SLC43A1: variants seen among roughly 807,000 people sequenced by gnomAD.
The protein encoded by SLC43A1 is solute carrier family 43 member 1.
Under a neutral mutation model 59.5 loss-of-function variants are expected in SLC43A1, and 31 were observed. The ratio of observed to expected loss-of-function variants is 0.52; its 90% CI spans 0.39 to 0.70. SLC43A1 has a LOEUF of 0.70. Among genes scored for constraint, SLC43A1 ranks in the 30% least tolerant of loss-of-function variants. The pLI is 0.00. For synonymous variants in SLC43A1, 259 were observed against 290.9 expected (o/e 0.89, Z 1.12); for missense variants, 598 against 717.8 (o/e 0.83, Z 1.91).
chr11:57,508,124 G>A (rs1365889511), intron 2 of SLC43A1, among the ~76,000 whole-genome samples: 4 of 152,198 alleles, frequency 2.6e-5, no homozygotes, highest in East Asian at 1.9e-4. Context: ...CAAATTAGCC[G>A]GGCATGGTGG....
At chr11:57,496,464 C>T (rs1179461013) in intron 6 of SLC43A1, among the ~76,000 whole-genome samples, 6 of 152,188 alleles carry the variant, frequency 3.9e-5, no homozygotes, top group African/African-American at 1.4e-4. Context: ...AAAATACATA[C>T]ATTTTTGCCT....
At position 57,514,840 on chromosome 11, in the gene SLC43A1, C is replaced by T. The variant is rs1292283480; in HGVS notation, c.-14+604G>A. The T allele has an allele frequency of 1.0e-6, 1 of 985,430 alleles. No homozygotes were observed. The highest frequency in any genetic ancestry group is 1.2e-6 in the Non-Finnish European group (1 of 830,084). The allele number at this position is 985,430 out of a possible 1,614,324, so 61.0% of individuals were successfully genotyped here. On this transcript the variant is annotated intron_variant, in intron 1 of 14. Transcript: ENST00000278426. The surrounding 1 kb of genome is among the most constrained non-coding windows in gnomAD (Gnocchi z 5.5). ...GGAACCCGCTTGCCCCCCTCCAGCC[C>T]CGGGAGGGGGCTCGGACTTCGGCAG...
intron 6 of SLC43A1, among the ~76,000 whole-genome samples, 190 bp downstream of exon 6, chr11:57,497,563 A>C (rs1330918952): frequency 2.0e-5 from 3 of 152,246 alleles, no homozygotes; most frequent in African/African-American, 7.2e-5. Flanking sequence ...AGAGAAAAAG[A>C]ATCAGAGGCA....
At chr11:57,494,709 G>A (rs1177220806) in intron 7 of SLC43A1, among the ~76,000 whole-genome samples, 1 of 152,174 alleles carries the variant, frequency 6.6e-6, no homozygotes, top group Non-Finnish European at 1.5e-5. Context: ...TGGCATTCAG[G>A]TGGCTCCACA....
chr11:57,492,116 C>T (rs1194612965), intron 8 of SLC43A1, among the ~76,000 whole-genome samples: 1 of 151,770 alleles, frequency 6.6e-6, no homozygotes, highest in African/African-American at 2.4e-5. Flanking sequence ...CGCCTGTAAT[C>T]CCAACACTTT....
intron 6 of SLC43A1, among the ~76,000 whole-genome samples, chr11:57,496,732 C>T (rs911820719): frequency 6.6e-6 from 1 of 152,200 alleles, no homozygotes; most frequent in Admixed American, 6.5e-5. Flanking sequence ...GGGCTCTCAA[C>T]CCCAGGGCAG....
rs1239162539 is a variant in SLC43A1, at chr11:57,515,282, C to G, written c.-14+162G>C. 1 of 154,340 alleles carries G rather than the reference C, an allele frequency of 6.5e-6. No individual in the cohort carries two copies. Among genetic ancestry groups the G allele is most frequent in the East Asian group, 1.9e-4 (1 of 5,180 alleles). The allele number at this position is 154,340 out of a possible 1,614,324, so 9.6% of individuals were successfully genotyped here. A position where few individuals can be genotyped will look rare whatever the true frequency, so the allele number is the denominator to read the frequency against. On this transcript the variant is annotated intron_variant, in intron 1 of 14. Transcript: ENST00000278426. The surrounding 1 kb of genome is among the most constrained non-coding windows in gnomAD (Gnocchi z 5.3). ...GGTCAGAGAAAAGAAAAGGGAAGGA[C>G]GCGCTTGGCGAGATGGGACACTGTG...
chr11:57,510,093 T>C lies in SLC43A1; in HGVS notation c.154+3865A>G, dbSNP rs1008969672. ...GCACAGGAAAAGATGCTCAACATCA[T>C]TGATCAGTAGGGAAACACAAATCAA... On this transcript the variant is annotated intron_variant, in intron 2 of 14. Transcript: ENST00000278426. Among the ~76,000 whole-genome samples the C allele has an allele frequency of 3.3e-5, 5 of 152,136 alleles. No homozygotes were observed. In the East Asian group the frequency reaches 5.8e-4, roughly 18 times the overall value.
rs760116022 is a variant in SLC43A1 at position 57,501,049 on chromosome 11, G to T, written c.333-6C>A. On this transcript the variant is annotated splice_region_variant and splice_polypyrimidine_tract_variant and intron_variant, in intron 3 of 14. Coordinates refer to ENST00000278426, the MANE Select transcript of SLC43A1 (RefSeq NM_003627.6). The stretch of plus-strand genomic sequence containing the variant: ...AGGACGCAGTGAAGCAGGCACTGTG[G>T]AGACACAGGGAAGGGCGAGGGGTTG... The T allele has an allele frequency of 6.2e-7, 1 of 1,604,906 alleles. No homozygotes were observed.
rs1174032551 is a variant in SLC43A1 at position 57,501,257 on chromosome 11, A to G, written c.227T>C (p.Leu76Pro). The G allele has an allele frequency of 1.9e-6, 3 of 1,612,430 alleles. No individual in the cohort carries two copies. Residue 76 changes from leucine to proline, a missense_variant, in exon 3 of 15, where the codon CTC becomes CCC. Leu to Pro is a moderately conservative substitution (Grantham distance 98). Coordinates refer to ENST00000278426, the MANE Select transcript of SLC43A1 (RefSeq NM_003627.6). ...GGAACCAATGGTGAAGCCCAGGTTGAGCATCTCGTCCTGCTGGTCACAGCC... is the reference window on the plus strand; with the variant it reads ...GGAACCAATGGTGAAGCCCAGGTTGGGCATCTCGTCCTGCTGGTCACAGCC... ...WPGCDQQDEM[L>P]NLGFTIGSFV...
rs1169030085 is a variant in SLC43A1, at chr11:57,515,104, C to T, written c.-14+340G>A. 3 of 981,812 alleles carry T rather than the reference C, an allele frequency of 3.1e-6. No homozygotes were observed. Among genetic ancestry groups the T allele is most frequent in the African/African-American group, 3.5e-5 (2 of 57,108 alleles). The allele number at this position is 981,812 out of a possible 1,614,324, so 60.8% of individuals were successfully genotyped here. On this transcript the variant is annotated intron_variant, in intron 1 of 14. Transcript: ENST00000278426. This position sits in a 1 kb window ranked among gnomAD's most constrained non-coding sequence, Gnocchi z 5.3. ...CAGAGAGAGGGGAGGAAGTACCAGT[C>T]ACTTCTTCCAGGGGGACTCGGTATT...
rs753020174 is a variant in SLC43A1, at chr11:57,491,199, C to CA, written c.1193+24dup. On this transcript the variant is annotated intron_variant, in intron 11 of 14. Coordinates refer to ENST00000278426, the MANE Select transcript of SLC43A1 (RefSeq NM_003627.6). ...AAAGCACTGCCTGACCACTTGCTGT[C>CA]ACCATCCCTGTACAGGCAGGTCACC... is the stretch of plus-strand genomic sequence containing the variant. 5 of 1,511,148 alleles carry CA rather than the reference C, an allele frequency of 3.3e-6. No homozygotes were observed. In the East Asian group the frequency reaches 1.2e-4, roughly 35 times the overall value. 93.6% of individuals were successfully genotyped at this position (1,511,148 alleles called of 1,614,324 possible).
chr11:57,497,939 A>C, intron 5 of SLC43A1, 94 bp from the exon 6 acceptor site: 1 of 832,750 alleles, frequency 1.2e-6, no homozygotes, highest in Non-Finnish European at 1.9e-6. Flanking sequence ...CAGGAGACGC[A>C]GCAGAAAAGC....
rs574867908 is a variant in SLC43A1, at chr11:57,509,722, G to GAAGA, written c.154+4235_154+4236insTCTT. On this transcript the variant is annotated intron_variant, in intron 2 of 14. Coordinates refer to ENST00000278426, the MANE Select transcript of SLC43A1 (RefSeq NM_003627.6). ...GGAGGGAGAGAGGGAGGGAGGGAAAGAAGGAAGGAAGGAAGGAAGGAAGGA... is the reference window on the plus strand; with the variant it reads ...GGAGGGAGAGAGGGAGGGAGGGAAAGAAGAAAGGAAGGAAGGAAGGAAGGAAGGA... Among the ~76,000 whole-genome samples, 79 of 101,858 alleles carry GAAGA rather than the reference G, an allele frequency of 7.8e-4. 1 individual carries two copies. In the South Asian group the frequency reaches 0.018, roughly 23 times the overall value. 66.8% of individuals were successfully genotyped at this position (101,858 alleles called of 152,430 possible).
At chr11:57,494,753 T>C (rs971326122) in intron 7 of SLC43A1, among the ~76,000 whole-genome samples, 14 of 152,164 alleles carry the variant, frequency 9.2e-5, no homozygotes, top group South Asian at 4.1e-4. Context: ...TATGTCCCTC[T>C]TTTTGGGACC....
At position 57,503,295 on chromosome 11, in the gene SLC43A1, A is replaced by AG. The variant is rs1284136813; in HGVS notation, c.155-1967dup. Among the ~76,000 whole-genome samples the AG allele has an allele frequency of 3.8e-5, 4 of 106,490 alleles. No homozygotes were observed. In the Admixed American group the frequency reaches 4.6e-4, roughly 12 times the overall value. The allele number at this position is 106,490 out of a possible 152,430, so 69.9% of individuals were successfully genotyped here. On this transcript the variant is annotated intron_variant, in intron 2 of 14. Coordinates refer to ENST00000278426, the MANE Select transcript of SLC43A1 (RefSeq NM_003627.6). ...TTTATGATCACTGTCATTTCTCTAC[A>AG]GGTTTTTTTTTTTTTTTTTTTTGAG...
In SLC43A1 at chr11:57,487,229, G is replaced by A. The variant is rs368446057; in HGVS notation, c.1410-11C>T. ...TGGTTGGATGGGAACCTGTCCACGA[G>A]ACGGGGAGTATCAGGGGTGTGTGGC... On this transcript the variant is annotated splice_polypyrimidine_tract_variant and intron_variant, in intron 13 of 14. Transcript: ENST00000278426. 24 of 1,610,930 alleles carry A rather than the reference G, an allele frequency of 1.5e-5. No homozygotes were observed. Among genetic ancestry groups the A allele is most frequent in the African/African-American group, 1.5e-4 (11 of 74,882 alleles).
In SLC43A1 at chr11:57,509,382, G is replaced by A. The variant is rs147845009; in HGVS notation, c.154+4576C>T. Among the ~76,000 whole-genome samples, 492 of 152,118 alleles carry A rather than the reference G, an allele frequency of 3.2e-3. 6 individuals carry two copies. Among genetic ancestry groups the A allele is most frequent in the African/African-American group, 0.011 (474 of 41,488 alleles). On this transcript the variant is annotated intron_variant, in intron 2 of 14. Transcript: ENST00000278426. Reference sequence around the variant, plus strand: ...AGGCGGGTGGATCACGAGGTCAGGAGATCGAAACCATCCTGGCCAATGTGG... The same window carrying A: ...AGGCGGGTGGATCACGAGGTCAGGAAATCGAAACCATCCTGGCCAATGTGG...
intron 9 of SLC43A1, 33 bp from the exon 10 acceptor site, chr11:57,491,659 T>A (rs1554981259): frequency 1.2e-6 from 2 of 1,614,116 alleles, no homozygotes; most frequent in South Asian, 2.2e-5. Context: ...TGAGGGGAGC[T>A]CAGCCAGGGT....
Sources: gnomAD v4.1 joint callset for allele counts (sites outside exome capture counted in the v4.1 genomes callset) on GRCh38, gnomAD v4.1.1 for gene constraint, Gnocchi (gnomAD v3.1) non-coding constraint, MANE v1.5 for transcripts, NCBI Gene and HGNC (gene_info 2026-07-23, HGNC 2026-07-21) for gene names.